The following PCDH9 variants were observed in gnomAD, a reference collection of about 807,000 sequenced individuals.
PCDH9 encodes protocadherin-9.
A neutral mutation model predicts 70.6 loss-of-function variants in PCDH9; 24 were observed. The ratio of observed to expected loss-of-function variants is 0.34; its 90% CI spans 0.25 to 0.48. PCDH9 has a LOEUF of 0.48. Ranked by LOEUF, PCDH9 falls within the 20% of genes least tolerant of loss-of-function variation. PCDH9 has a pLI of 0.99. For missense variants in PCDH9, 1,281 were observed against 1,503.6 expected, an observed-to-expected ratio of 0.85 and a Z score of 2.45; for synonymous variants, 562 against 558.5, an observed-to-expected ratio of 1.01 and a Z score of -0.09.
chr13:67,166,523 T>C (rs59346102), intron 2 of PCDH9, among the ~76,000 whole-genome samples: 9,713 of 152,250 alleles, frequency 0.064, 479 homozygotes, highest in African/African-American at 0.12. Flanking sequence ...TTTTATAAAT[T>C]ACTTGGTTAG....
chr13:66,467,297 C>A (rs1958532880), intron 4 of PCDH9, among the ~76,000 whole-genome samples: 1 of 152,020 alleles, frequency 6.6e-6, no homozygotes, highest in Non-Finnish European at 1.5e-5. Context: ...CTCCTCACGC[C>A]AACCCTCAGT....
At chr13:66,533,788 T>A (rs1015130538) in intron 4 of PCDH9, among the ~76,000 whole-genome samples, 2 of 152,172 alleles carry the variant, frequency 1.3e-5, no homozygotes, top group Non-Finnish European at 2.9e-5. Context: ...ACGGACAATT[T>A]TTATTTTCAC....
chr13:67,144,660 G>A (rs181816069), intron 2 of PCDH9, among the ~76,000 whole-genome samples: 1 of 152,058 alleles, frequency 6.6e-6, no homozygotes, highest in East Asian at 1.9e-4. Flanking sequence ...AATGCTAATA[G>A]AGTGTGCAAA....
chr13:67,195,299 C>T (rs2089032173), intron 2 of PCDH9, among the ~76,000 whole-genome samples: 1 of 152,054 alleles, frequency 6.6e-6, no homozygotes, highest in South Asian at 2.1e-4. Context: ...CGCCCTCCAC[C>T]ACGCCCCGCT....
chr13:66,831,862 T>C (rs1343104052), intron 3 of PCDH9, among the ~76,000 whole-genome samples: 1 of 144,326 alleles, frequency 6.9e-6, no homozygotes, highest in East Asian at 2.1e-4. Context: ...GACAACACTG[T>C]TTATAGAATT....
At chr13:66,795,698 T>A (rs1204008634) in intron 3 of PCDH9, among the ~76,000 whole-genome samples, 8 of 152,146 alleles carry the variant, frequency 5.3e-5, no homozygotes, top group Non-Finnish European at 1.2e-4. Flanking sequence ...CCAATCAAAC[T>A]AATAAAAATG....
intron 3 of PCDH9, among the ~76,000 whole-genome samples, chr13:66,670,197 G>A (rs2078153508): frequency 1.3e-5 from 2 of 152,132 alleles, no homozygotes; most frequent in Admixed American, 1.3e-4. Context: ...AAATGTCTCT[G>A]TCTTGTTTTG....
chr13:67,128,595 CT>C (rs2087034996), intron 2 of PCDH9, among the ~76,000 whole-genome samples: 2 of 152,166 alleles, frequency 1.3e-5, no homozygotes, highest in Non-Finnish European at 2.9e-5. Flanking sequence ...TATTATCACC[CT>C]TCTGCTCTCT....
chr13:66,391,770 A>G (rs188691379), intron 4 of PCDH9, among the ~76,000 whole-genome samples: 33 of 152,046 alleles, frequency 2.2e-4, no homozygotes, highest in Admixed American at 1.9e-3. Context: ...AAAGTGATAC[A>G]TGTCATCCAA....
intron 2 of PCDH9, among the ~76,000 whole-genome samples, chr13:66,979,960 C>G (rs2083705729): frequency 6.6e-6 from 1 of 152,034 alleles, no homozygotes; most frequent in Admixed American, 6.6e-5. Flanking sequence ...TAACTACTGA[C>G]TGATGAAATT....
chr13:66,337,598 A>AAAACAAACAAACAAAC lies in PCDH9; in HGVS notation c.3341-32586_3341-32571dup, dbSNP rs71106965. Among the ~76,000 whole-genome samples the AAAACAAACAAACAAAC allele has an allele frequency of 6.6e-3, 1,004 of 151,248 alleles. 5 individuals carry two copies. Among genetic ancestry groups the AAAACAAACAAACAAAC allele is most frequent in the South Asian group, 0.023 (110 of 4,748 alleles). On this transcript the variant is annotated intron_variant, in intron 4 of 4. Transcript: ENST00000377865. Reference sequence around the variant, plus strand: ...GCAAACTCATCTGGAGGTACTTGTTAAAACAAACAAACAAACAAACAAACA... The same window carrying AAAACAAACAAACAAAC: ...GCAAACTCATCTGGAGGTACTTGTTAAAACAAACAAACAAACAAACAAACAAACAAACAAACAAACA...
At chr13:67,000,551 G>T (rs2084222729) in intron 2 of PCDH9, among the ~76,000 whole-genome samples, 1 of 151,754 alleles carries the variant, frequency 6.6e-6, no homozygotes, top group Admixed American at 6.6e-5. Flanking sequence ...ATCCAATAAA[G>T]TTGGAGGATA....
At chr13:66,765,828 A>G (rs2079706696) in intron 3 of PCDH9, among the ~76,000 whole-genome samples, 1 of 152,004 alleles carries the variant, frequency 6.6e-6, no homozygotes. Context: ...CTTACAAAGG[A>G]TTGTGCAGTT....
Position 67,227,727 on chromosome 13 carries a change from C to T in PCDH9, c.714G>A (p.Leu238=), listed in dbSNP as rs2138147839. 6.2e-7 allele frequency: 1 copy of T among 1,614,020 alleles called. No homozygotes were observed. The highest frequency in any genetic ancestry group is 1.7e-5 in the Admixed American group (1 of 60,022). Residue 238 remains leucine, a synonymous_variant, in exon 2 of 5, where the codon CTG becomes CTA. Transcript: ENST00000377865. The surrounding 1 kb of genome is among the most constrained non-coding windows in gnomAD (Gnocchi z 4.6). The part of the protein sequence containing the change: ...GTPQKSSTAI[L]QVTVSDVNDN... ...CATTTACATCACTTACTGTGACCTG[C>T]AGTATGGCCGTACTGGATTTCTGTG...
At chr13:67,161,568 C>A (rs78476240) in intron 2 of PCDH9, among the ~76,000 whole-genome samples, 9,366 of 152,192 alleles carry the variant, frequency 0.062, 433 homozygotes, top group African/African-American at 0.11. Flanking sequence ...CCACTGAACT[C>A]CAAGAGGAGT....
chr13:67,104,986 A>G (rs1222883974), intron 2 of PCDH9, among the ~76,000 whole-genome samples: 2 of 152,144 alleles, frequency 1.3e-5, no homozygotes, highest in Non-Finnish European at 1.5e-5. Flanking sequence ...TTTCCTTTAC[A>G]GGATCATTGT....
intron 4 of PCDH9, among the ~76,000 whole-genome samples, chr13:66,428,037 A>G (rs2138367527): frequency 6.6e-6 from 1 of 151,856 alleles, no homozygotes; most frequent in Middle Eastern, 3.4e-3. Flanking sequence ...CTTCTTGATG[A>G]AAAATATGTT....
intron 4 of PCDH9, among the ~76,000 whole-genome samples, chr13:66,613,315 C>G (rs2077316224): frequency 6.6e-6 from 1 of 152,184 alleles, no homozygotes; most frequent in Non-Finnish European, 1.5e-5. Context: ...GGTGAAGGAA[C>G]CACTTGCATG....
At position 66,849,515 on chromosome 13, in the gene PCDH9, TATAGAGAGAGAGAG is replaced by T. The variant is rs2081278172; in HGVS notation, c.3138+53975_3138+53988del. ...ATATATATATATATATATATATATA[TATAGAGAGAGAGAG>T]AGAGAGAGAGAGAGAGATTGCAAAT... On this transcript the variant is annotated intron_variant, in intron 3 of 4. Coordinates refer to ENST00000377865, the MANE Select transcript of PCDH9 (RefSeq NM_203487.3). 4.1e-5 allele frequency among the ~76,000 whole-genome samples: 3 copies of T among 72,522 alleles called. No homozygotes were observed. In the South Asian group the frequency reaches 1.9e-3, roughly 45 times the overall value. 47.6% of individuals were successfully genotyped at this position (72,522 alleles called of 152,430 possible). A position where few individuals can be genotyped will look rare whatever the true frequency, so the allele number is the denominator to read the frequency against.
Sources: allele counts gnomAD v4.1 joint callset (sites outside exome capture counted in the v4.1 genomes callset), GRCh38; gene constraint gnomAD v4.1.1; non-coding constraint Gnocchi (gnomAD v3.1); transcripts MANE v1.5; gene names NCBI Gene and HGNC (gene_info 2026-07-23, HGNC 2026-07-21).